The following KCTD16 variants were observed in gnomAD, a reference collection of about 807,000 sequenced individuals.
KCTD16 encodes the protein BTB/POZ domain-containing protein KCTD16.
Under a neutral mutation model 33.2 loss-of-function variants are expected in KCTD16, and 13 were observed. The observed-to-expected ratio is 0.39, with a 90% CI of 0.25 to 0.62. KCTD16 has a LOEUF of 0.62. KCTD16 is among the 20% of genes least tolerant of loss of function. KCTD16 has a pLI of 0.50. For missense variants in KCTD16, 441 were observed against 525.1 expected, an observed-to-expected ratio of 0.84 and a Z score of 1.57; for synonymous variants, 197 against 195.3, an observed-to-expected ratio of 1.01 and a Z score of -0.07.
At chr5:144,370,356 G>A (rs1751941210) in intron 3 of KCTD16, among the ~76,000 whole-genome samples, 1 of 152,190 alleles carries the variant, frequency 6.6e-6, no homozygotes, top group African/African-American at 2.4e-5. Flanking sequence ...ATAAATGAGT[G>A]TGATTTCTGT....
chr5:144,370,429 G>A (rs1751942632), intron 3 of KCTD16, among the ~76,000 whole-genome samples: 1 of 152,200 alleles, frequency 6.6e-6, no homozygotes, highest in South Asian at 2.1e-4. Context: ...TGTGCACTGA[G>A]AGATTCCTTT....
intron 3 of KCTD16, among the ~76,000 whole-genome samples, chr5:144,321,129 A>G (rs571627501): frequency 5.9e-5 from 9 of 152,204 alleles, no homozygotes; most frequent in Non-Finnish European, 1.2e-4. Context: ...TGTTGGGATT[A>G]CAGGCATGAG....
chr5:144,427,383 C>T (rs541565770), intron 3 of KCTD16, among the ~76,000 whole-genome samples: 6 of 152,126 alleles, frequency 3.9e-5, no homozygotes, highest in South Asian at 2.1e-4. Context: ...CCAGTGACCT[C>T]GCTTTTTGGA....
chr5:144,451,398 C>T (rs1267548404), intron 3 of KCTD16, among the ~76,000 whole-genome samples: 1 of 152,110 alleles, frequency 6.6e-6, no homozygotes, highest in African/African-American at 2.4e-5. Flanking sequence ...GTGGTATGGA[C>T]CAGGTCACCT....
At chr5:144,187,730 A>G (rs1752757939) in intron 2 of KCTD16, among the ~76,000 whole-genome samples, 1 of 152,180 alleles carries the variant, frequency 6.6e-6, no homozygotes. Context: ...CTGTTAATCA[A>G]ATATTCTGTA....
chr5:144,256,807 A>AT (rs566782804), intron 3 of KCTD16, among the ~76,000 whole-genome samples: 4 of 152,092 alleles, frequency 2.6e-5, no homozygotes, highest in South Asian at 4.2e-4. Flanking sequence ...TAGGACTTTA[A>AT]TTTTTTTGCA....
intron 3 of KCTD16, among the ~76,000 whole-genome samples, chr5:144,435,240 C>T (rs565355655): frequency 6.6e-6 from 1 of 152,154 alleles, no homozygotes; most frequent in African/African-American, 2.4e-5. Context: ...TTTTACCTGT[C>T]TGTAAATTGC....
chr5:144,415,869 G>T (rs1753042180), intron 3 of KCTD16, among the ~76,000 whole-genome samples: 1 of 152,122 alleles, frequency 6.6e-6, no homozygotes, highest in Non-Finnish European at 1.5e-5. Flanking sequence ...ATTTAAATAA[G>T]CATCTTAGTT....
chr5:144,210,705 A>G (rs1217268870), intron 3 of KCTD16, among the ~76,000 whole-genome samples: 1 of 152,154 alleles, frequency 6.6e-6, no homozygotes, highest in Admixed American at 6.5e-5. Flanking sequence ...GAACCAAATG[A>G]CAGGTGCATG....
intron 3 of KCTD16, among the ~76,000 whole-genome samples, chr5:144,354,739 G>A (rs1315679165): frequency 3.3e-5 from 5 of 152,158 alleles, no homozygotes; most frequent in South Asian, 2.1e-4. Context: ...CTATCTATTC[G>A]TTAATATAAA....
At chr5:144,464,275 C>A (rs1409778057) in intron 3 of KCTD16, among the ~76,000 whole-genome samples, 1 of 152,146 alleles carries the variant, frequency 6.6e-6, no homozygotes, top group Non-Finnish European at 1.5e-5. Flanking sequence ...CTGCTTTTGC[C>A]TTTTACTAGT....
At chr5:144,241,921 T>C (rs1454992003) in intron 3 of KCTD16, among the ~76,000 whole-genome samples, 1 of 152,142 alleles carries the variant, frequency 6.6e-6, no homozygotes, top group Non-Finnish European at 1.5e-5. Flanking sequence ...ACATCTATGA[T>C]ACAAAATGGC....
At chr5:144,234,165 A>C (rs937249960) in intron 3 of KCTD16, among the ~76,000 whole-genome samples, 3 of 152,102 alleles carry the variant, frequency 2.0e-5, no homozygotes, top group African/African-American at 4.8e-5. Flanking sequence ...ATGGGGAGGA[A>C]ATGAGTTATT....
chr5:144,433,635 C>T (rs1257686420), intron 3 of KCTD16, among the ~76,000 whole-genome samples: 1 of 152,104 alleles, frequency 6.6e-6, no homozygotes, highest in African/African-American at 2.4e-5. Context: ...ACATAGAAAA[C>T]CAGCATGTGA....
rs1331122687 is a variant in KCTD16 at position 144,474,150 on chromosome 5, C to T, written c.*36C>T. 3 of 1,478,596 alleles carry T rather than the reference C, an allele frequency of 2.0e-6. No individual in the cohort carries two copies. The East Asian group carries it at 6.8e-5, about 34-fold the overall frequency. 91.6% of individuals were successfully genotyped at this position (1,478,596 alleles called of 1,614,324 possible). ...GGGGCGGGAAAAGAAAAAAAAAAGT[C>T]ATTTTGAAATTAACCTCCTAAAAGG... On this transcript the variant is annotated 3_prime_UTR_variant, in exon 4 of 4. Transcript: ENST00000512467.
intron 3 of KCTD16, among the ~76,000 whole-genome samples, chr5:144,416,080 CTTCT>C (rs1164423903): frequency 7.9e-5 from 12 of 152,122 alleles, no homozygotes; most frequent in South Asian, 2.1e-4. Context: ...TTTATATATC[CTTCT>C]AATTCTCACA....
chr5:144,300,488 T>G (rs147573821), intron 3 of KCTD16, among the ~76,000 whole-genome samples: 13 of 152,318 alleles, frequency 8.5e-5, no homozygotes, highest in African/African-American at 2.4e-4. Context: ...TAGTAGAAAG[T>G]ATCTTGTAGC....
rs147624604 is a variant in KCTD16 at position 144,469,435 on chromosome 5, G to A, written c.833-4225G>A. On this transcript the variant is annotated intron_variant, in intron 3 of 3. Transcript: ENST00000512467. Reference sequence around the variant, plus strand: ...CCAGCTAGATCTAAGTATTAGCTGTGTAGTGTATTGATGGAAACATTATAA... The same window carrying A: ...CCAGCTAGATCTAAGTATTAGCTGTATAGTGTATTGATGGAAACATTATAA... Among the ~76,000 whole-genome samples the A allele has an allele frequency of 5.8e-4, 88 of 152,258 alleles. No individual in the cohort carries two copies. The East Asian group carries it at 0.011, about 19-fold the overall frequency.
At chr5:144,413,312 C>A (rs1752975314) in intron 3 of KCTD16, among the ~76,000 whole-genome samples, 2 of 152,138 alleles carry the variant, frequency 1.3e-5, no homozygotes, top group Admixed American at 1.3e-4. Context: ...CTTGTTGACA[C>A]CTTGATCTCA....
Sources: gnomAD v4.1 joint callset for allele counts (sites outside exome capture counted in the v4.1 genomes callset) on GRCh38, gnomAD v4.1.1 for gene constraint, MANE v1.5 for transcripts, NCBI Gene and HGNC (gene_info 2026-07-23, HGNC 2026-07-21) for gene names.